The following CADPS variants were observed in gnomAD, a reference collection of about 807,000 sequenced individuals.
The protein encoded by CADPS is calcium-dependent secretion activator 1.
In CADPS, 57 loss-of-function variants were observed where a neutral mutation model predicts 167.3. That is an observed-to-expected ratio of 0.34 (90% CI 0.28 to 0.42). CADPS has a LOEUF of 0.42. Ranked by LOEUF, CADPS falls within the 20% of genes least tolerant of loss-of-function variation. The pLI is 1.00. For synonymous variants in CADPS, 676 were observed against 635.3 expected (o/e 1.06, Z -0.96); for missense variants, 1,414 against 1,738.1 (o/e 0.81, Z 3.32).
intron 2 of CADPS, among the ~76,000 whole-genome samples, chr3:62,762,289 A>ACTT (rs2085660068): frequency 6.6e-6 from 1 of 152,240 alleles, no homozygotes; most frequent in Non-Finnish European, 1.5e-5. Flanking sequence ...AATAAAACCA[A>ACTT]TATAGTATGA....
At chr3:62,409,413 C>T (rs1174379150) in intron 28 of CADPS, among the ~76,000 whole-genome samples, 2 of 152,156 alleles carry the variant, frequency 1.3e-5, no homozygotes, top group African/African-American at 4.8e-5. Context: ...GGCTTGGTGT[C>T]GGAAAGATTC....
chr3:62,711,224 T>C (rs965751100), intron 3 of CADPS, among the ~76,000 whole-genome samples: 2 of 152,194 alleles, frequency 1.3e-5, no homozygotes, highest in Non-Finnish European at 2.9e-5. Flanking sequence ...AATAGGTATT[T>C]ATTTATTCAT....
At chr3:62,817,999 T>G (rs758626149) in intron 1 of CADPS, among the ~76,000 whole-genome samples, 92 of 152,162 alleles carry the variant, frequency 6.0e-4, no homozygotes, top group Non-Finnish European at 1.1e-3. Context: ...GAGCCCACAT[T>G]TGGTTTAAGT....
chr3:62,532,622 T>G (rs1320581678), intron 13 of CADPS, among the ~76,000 whole-genome samples: 1 of 152,108 alleles, frequency 6.6e-6, no homozygotes, highest in East Asian at 1.9e-4. Flanking sequence ...GAACTATGAT[T>G]TGAACCTAGA....
At chr3:62,813,851 G>A (rs561388716) in intron 1 of CADPS, among the ~76,000 whole-genome samples, 1 of 151,964 alleles carries the variant, frequency 6.6e-6, no homozygotes, top group African/African-American at 2.4e-5. Context: ...AAACAGCAGA[G>A]GCTGTGCTTT....
chr3:62,540,556 T>A (rs1314700201), intron 11 of CADPS, among the ~76,000 whole-genome samples: 1 of 152,112 alleles, frequency 6.6e-6, no homozygotes, highest in Non-Finnish European at 1.5e-5. Context: ...CATGTGCTCT[T>A]AGGGGAAAAA....
chr3:62,645,871 G>A lies in CADPS; in HGVS notation c.1204-28C>T, dbSNP rs765854981. On this transcript the variant is annotated intron_variant, in intron 5 of 29. Coordinates refer to ENST00000383710, the MANE Select transcript of CADPS (RefSeq NM_003716.4). ...GAAAAGAGAATTCCACATAATGGAG[G>A]TTATTGGCAAGGCCCCTGGCAGCAT... 4.3e-6 allele frequency: 7 copies of A among 1,613,554 alleles called. No homozygotes were observed. The East Asian group carries it at 8.9e-5, about 21-fold the overall frequency.
In CADPS at chr3:62,608,446, C is replaced by T. The variant is rs555749144; in HGVS notation, c.1326-15698G>A. Among the ~76,000 whole-genome samples the T allele has an allele frequency of 2.1e-4, 32 of 151,860 alleles. 1 individual carries two copies. Among genetic ancestry groups the T allele is most frequent in the Admixed American group, 1.3e-3 (20 of 15,276 alleles). On this transcript the variant is annotated intron_variant, in intron 6 of 29. Transcript: ENST00000383710. ...CACAGGCATGTGCCACCATGCCAGG[C>T]GAATTTTTGTATTTATAGTAGACAT...
At position 62,420,131 on chromosome 3, in the gene CADPS, T is replaced by A. The variant is rs1411349354; in HGVS notation, c.3778-16946A>T. ...AATTCAGGTGAATAGGTAAATGGAATGCTTTACATTAAACCACACAGCTGG... is the reference window on the plus strand; with the variant it reads ...AATTCAGGTGAATAGGTAAATGGAAAGCTTTACATTAAACCACACAGCTGG... On this transcript the variant is annotated intron_variant, in intron 28 of 29. Transcript: ENST00000383710. The surrounding 1 kb of genome is among the most constrained non-coding windows in gnomAD (Gnocchi z 4.1). Among the ~76,000 whole-genome samples the A allele has an allele frequency of 6.6e-6, 1 of 152,168 alleles. No individual in the cohort carries two copies. The highest frequency in any genetic ancestry group is 1.9e-4 in the East Asian group (1 of 5,184).
intron 21 of CADPS, among the ~76,000 whole-genome samples, chr3:62,482,999 T>C (rs574748659): frequency 5.9e-5 from 9 of 152,162 alleles, no homozygotes; most frequent in Admixed American, 1.3e-4. Flanking sequence ...TGTATTTCTT[T>C]GGAAGGACGG....
At position 62,654,664 on chromosome 3, in the gene CADPS, G is replaced by A. The variant is rs911292252; in HGVS notation, c.970-3584C>T. Among the ~76,000 whole-genome samples, 5 of 152,210 alleles carry A rather than the reference G, an allele frequency of 3.3e-5. No homozygotes were observed. In the East Asian group the frequency reaches 7.7e-4, roughly 24 times the overall value. ...CTTAGGCCCCATTAAAGGCTGTCAC[G>A]GAACAAAGGTTACATCCCAAGAGCC... On this transcript the variant is annotated intron_variant, in intron 4 of 29. Coordinates refer to ENST00000383710, the MANE Select transcript of CADPS (RefSeq NM_003716.4).
chr3:62,416,276 C>T (rs975337641), intron 28 of CADPS, among the ~76,000 whole-genome samples: 1 of 152,194 alleles, frequency 6.6e-6, no homozygotes. Context: ...GCTTTAACCA[C>T]TGTTGTTTGC....
intron 13 of CADPS, among the ~76,000 whole-genome samples, chr3:62,528,930 G>C (rs9829899): frequency 6.6e-6 from 1 of 152,090 alleles, no homozygotes; most frequent in South Asian, 2.1e-4. Context: ...AGGCTGAGTC[G>C]GGCAGATTAC....
intron 28 of CADPS, among the ~76,000 whole-genome samples, chr3:62,410,197 C>T (rs2048696123): frequency 6.6e-6 from 1 of 152,192 alleles, no homozygotes; most frequent in Non-Finnish European, 1.5e-5. Flanking sequence ...CACACACCTT[C>T]ACACACCTTC....
intron 1 of CADPS, among the ~76,000 whole-genome samples, chr3:62,768,858 C>T (rs186869340): frequency 6.6e-5 from 10 of 152,222 alleles, no homozygotes; most frequent in Non-Finnish European, 1.0e-4. Context: ...GAACACACAC[C>T]GCAAAGCCAC....
At chr3:62,835,750 T>C (rs1284846737) in intron 1 of CADPS, among the ~76,000 whole-genome samples, 2 of 152,316 alleles carry the variant, frequency 1.3e-5, no homozygotes, top group East Asian at 1.9e-4. Context: ...TCTTAAGATA[T>C]ACTCACAACA....
intron 6 of CADPS, among the ~76,000 whole-genome samples, chr3:62,616,654 T>C (rs2062358334): frequency 6.6e-6 from 1 of 152,306 alleles, no homozygotes; most frequent in South Asian, 2.1e-4. Flanking sequence ...GTAACATGTA[T>C]TAAATGTTTA....
At chr3:62,749,262 A>C (rs1377523616) in intron 3 of CADPS, among the ~76,000 whole-genome samples, 1 of 152,226 alleles carries the variant, frequency 6.6e-6, no homozygotes, top group Non-Finnish European at 1.5e-5. Context: ...GACATGGTTC[A>C]TGTTACAACA....
chr3:62,833,910 C>T (rs1400053008), intron 1 of CADPS, among the ~76,000 whole-genome samples: 3 of 152,142 alleles, frequency 2.0e-5, no homozygotes, highest in Non-Finnish European at 4.4e-5. Flanking sequence ...AGTACAATCT[C>T]ATTTTTCAAA....
Sources: allele counts gnomAD v4.1 joint callset (sites outside exome capture counted in the v4.1 genomes callset), GRCh38; gene constraint gnomAD v4.1.1; non-coding constraint Gnocchi (gnomAD v3.1); transcripts MANE v1.5; gene names NCBI Gene and HGNC (gene_info 2026-07-23, HGNC 2026-07-21).